The following CTNNA3 variants were observed in gnomAD, a reference collection of about 807,000 sequenced individuals.
The protein encoded by CTNNA3 is catenin alpha-3.
CTNNA3 carries 76 observed loss-of-function variants against 95.7 expected under a neutral mutation model. The ratio of observed to expected loss-of-function variants is 0.79; its 90% confidence interval spans 0.66 to 0.96. The LOEUF (loss-of-function observed/expected upper bound fraction) is 0.96. CTNNA3 is among the 40% of genes least tolerant of loss of function. The probability of loss-of-function intolerance (pLI) is 0.00; values close to 1 mark genes in which losing one functional copy is unlikely to be tolerated. For missense variants in CTNNA3, 1,191 were observed against 1,089.8 expected, an observed-to-expected ratio of 1.09 and a Z score of -1.31; for synonymous variants, 431 against 374.4, an observed-to-expected ratio of 1.15 and a Z score of -1.74.
chr10:66,946,780 C>T (rs1364435497), intron 7 of CTNNA3, among the ~76,000 whole-genome samples: 2 of 151,992 alleles, frequency 1.3e-5, no homozygotes, highest in Non-Finnish European at 2.9e-5. Context: ...CCCAGGCACA[C>T]ACATAGAATT....
At position 65,989,436 on chromosome 10, in the gene CTNNA3, T is replaced by C. The variant is rs188698317; in HGVS notation, c.2160-639A>G. On this transcript the variant is annotated intron_variant, in intron 15 of 17. Coordinates refer to ENST00000433211, the MANE Select transcript of CTNNA3 (RefSeq NM_013266.4). ...GATACCCTTCATAGACCTAGATACCTCAAGGCAAAGGTATTTTCCTGATTT... is the reference window on the plus strand; with the variant it reads ...GATACCCTTCATAGACCTAGATACCCCAAGGCAAAGGTATTTTCCTGATTT... 2.3e-3 allele frequency among the ~76,000 whole-genome samples: 357 copies of C among 152,260 alleles called. 2 individuals are homozygous for C. Among genetic ancestry groups the C allele is most frequent in the African/African-American group, 8.3e-3 (343 of 41,550 alleles).
At chr10:67,010,407 T>G (rs1403116677) in intron 7 of CTNNA3, among the ~76,000 whole-genome samples, 1 of 152,094 alleles carries the variant, frequency 6.6e-6, no homozygotes, top group African/African-American at 2.4e-5. Flanking sequence ...AAATAAAAAG[T>G]CAGGAAGTAG....
chr10:67,241,154 C>T (rs200136607), intron 5 of CTNNA3, among the ~76,000 whole-genome samples: 2 of 151,984 alleles, frequency 1.3e-5, no homozygotes, highest in South Asian at 2.1e-4. Context: ...GGGGTGATGG[C>T]TCATGCCTAC....
intron 7 of CTNNA3, among the ~76,000 whole-genome samples, chr10:66,930,084 A>G (rs1198497431): frequency 6.6e-6 from 1 of 152,256 alleles, no homozygotes; most frequent in Admixed American, 6.5e-5. Flanking sequence ...GGGGTTTTTC[A>G]TATGCTGAGA....
At chr10:67,513,610 G>C (rs1839711507) in intron 5 of CTNNA3, among the ~76,000 whole-genome samples, 1 of 152,186 alleles carries the variant, frequency 6.6e-6, no homozygotes, top group Non-Finnish European at 1.5e-5. Context: ...GGAGGTAGCA[G>C]AAGTATGTTT....
At position 66,516,063 on chromosome 10, in the gene CTNNA3, GGA is replaced by G. The variant is rs1491525597; in HGVS notation, c.1531+4552_1531+4553del. On this transcript the variant is annotated intron_variant, in intron 11 of 17. Coordinates refer to ENST00000433211, the MANE Select transcript of CTNNA3 (RefSeq NM_013266.4). ...CTATTCAAACTATGATTAATTATCT[GGA>G]AAAAAAAAAAAAAAAGGTAACCCAT... 1.0e-3 allele frequency among the ~76,000 whole-genome samples: 126 copies of G among 123,914 alleles called. 2 individuals carry two copies. The highest frequency in any genetic ancestry group is 3.4e-3 in the African/African-American group (111 of 32,986). 81.3% of individuals were successfully genotyped at this position (123,914 alleles called of 152,430 possible). A position where few individuals can be genotyped will look rare whatever the true frequency, so the allele number is the denominator to read the frequency against.
intron 5 of CTNNA3, among the ~76,000 whole-genome samples, chr10:67,514,195 G>A (rs1053093664): frequency 3.9e-5 from 6 of 152,262 alleles, no homozygotes; most frequent in African/African-American, 1.4e-4. Context: ...AGCTACCTGG[G>A]AGGCTGAGGC....
intron 7 of CTNNA3, among the ~76,000 whole-genome samples, chr10:66,996,815 C>T (rs565065710): frequency 6.6e-5 from 10 of 152,096 alleles, no homozygotes; most frequent in Admixed American, 2.0e-4. Flanking sequence ...TTTTGCTCTA[C>T]AATTACACTG....
intron 7 of CTNNA3, among the ~76,000 whole-genome samples, chr10:66,817,804 GCATTA>G (rs1306077590): frequency 6.6e-6 from 1 of 151,908 alleles, no homozygotes; most frequent in African/African-American, 2.4e-5. Flanking sequence ...CTTGAGGTCA[GCATTA>G]CATTGACACT....
intron 9 of CTNNA3, among the ~76,000 whole-genome samples, chr10:66,722,043 A>G (rs1430740235): frequency 6.6e-6 from 1 of 152,204 alleles, no homozygotes; most frequent in Non-Finnish European, 1.5e-5. Context: ...AGGGTATTAT[A>G]GTATAACCAG....
intron 7 of CTNNA3, among the ~76,000 whole-genome samples, chr10:66,975,656 G>A (rs769055079): frequency 1.4e-4 from 22 of 152,142 alleles, no homozygotes; most frequent in Non-Finnish European, 2.9e-4. Flanking sequence ...AGGATTAGTG[G>A]TGGCATTGAG....
chr10:67,419,624 C>A (rs997973034), intron 5 of CTNNA3, among the ~76,000 whole-genome samples: 1 of 152,152 alleles, frequency 6.6e-6, no homozygotes, highest in Non-Finnish European at 1.5e-5. Context: ...TTTCTCATAT[C>A]TCTGAAGGAT....
At chr10:66,909,664 A>G (rs1460890996) in intron 7 of CTNNA3, among the ~76,000 whole-genome samples, 4 of 152,236 alleles carry the variant, frequency 2.6e-5, no homozygotes, top group Admixed American at 6.5e-5. Flanking sequence ...TTAGTCAAAT[A>G]GAGACCAAAT....
At chr10:67,365,648 G>C (rs901372821) in intron 5 of CTNNA3, among the ~76,000 whole-genome samples, 2 of 152,226 alleles carry the variant, frequency 1.3e-5, no homozygotes, top group East Asian at 1.9e-4. Flanking sequence ...CTGGTCATCA[G>C]AGAAATGCAA....
chr10:67,584,835 C>T (rs748432991), intron 3 of CTNNA3, among the ~76,000 whole-genome samples: 4 of 152,316 alleles, frequency 2.6e-5, no homozygotes, highest in East Asian at 1.9e-4. Context: ...TAGCAATGAG[C>T]GAGGCTCCAT....
chr10:67,584,650 T>A (rs777687479), intron 3 of CTNNA3, among the ~76,000 whole-genome samples: 83 of 152,340 alleles, frequency 5.4e-4, no homozygotes, highest in Non-Finnish European at 1.0e-3. Flanking sequence ...TGTTCAGCTA[T>A]GCCCTGCCCC....
chr10:66,552,202 C>T (rs759139041), intron 10 of CTNNA3, among the ~76,000 whole-genome samples: 2 of 152,106 alleles, frequency 1.3e-5, no homozygotes, highest in East Asian at 1.9e-4. Flanking sequence ...CACTCTTGGC[C>T]GGGATTAGGG....
At chr10:66,082,596 T>C (rs2080807350) in intron 14 of CTNNA3, among the ~76,000 whole-genome samples, 1 of 152,162 alleles carries the variant, frequency 6.6e-6, no homozygotes, top group African/African-American at 2.4e-5. Flanking sequence ...ATAATACCAA[T>C]GGTCATTTCT....
chr10:67,165,043 C>T (rs1194883466), intron 7 of CTNNA3, among the ~76,000 whole-genome samples: 3 of 152,064 alleles, frequency 2.0e-5, no homozygotes, highest in South Asian at 4.1e-4. Flanking sequence ...TATGACTACA[C>T]AAAAATCTGT....
Sources: allele counts gnomAD v4.1 joint callset (sites outside exome capture counted in the v4.1 genomes callset), GRCh38; gene constraint gnomAD v4.1.1; transcripts MANE v1.5; gene names NCBI Gene and HGNC (gene_info 2026-07-23, HGNC 2026-07-21).